The following ATG7 variants were observed in gnomAD, a reference collection of about 807,000 sequenced individuals.
ATG7 encodes the protein ubiquitin-like modifier-activating enzyme ATG7.
ATG7 carries 70 observed loss-of-function variants against 82.4 expected under a neutral mutation model. The ratio of observed to expected loss-of-function variants is 0.85; its 90% confidence interval spans 0.70 to 1.04. The LOEUF (loss-of-function observed/expected upper bound fraction) is 1.04. ATG7 is among the 50% of genes least tolerant of loss of function. The probability of loss-of-function intolerance (pLI) is 0.00; values close to 1 mark genes in which losing one functional copy is unlikely to be tolerated. For missense variants in ATG7, 792 were observed against 864.3 expected (o/e 0.92, Z 1.05); for synonymous variants, 287 against 313.0 (o/e 0.92, Z 0.88).
intron 10 of ATG7, chr3:11,332,723 T>C (rs1951830481): frequency 3.4e-6 from 1 of 295,388 alleles, no homozygotes; most frequent in South Asian, 1.6e-4. Context: ...TGCAATATGA[T>C]TGTAGAAAGA....
intron 20 of ATG7, among the ~76,000 whole-genome samples, chr3:11,472,244 T>A (rs2087627454): frequency 6.6e-6 from 1 of 152,180 alleles, no homozygotes; most frequent in Admixed American, 6.5e-5. Context: ...CTCCCCCTCT[T>A]GCCTGGGTTT....
At chr3:11,554,178 A>G (rs1451955787) in intron 20 of ATG7, among the ~76,000 whole-genome samples, 2 of 152,180 alleles carry the variant, frequency 1.3e-5, no homozygotes, top group African/African-American at 4.8e-5. Flanking sequence ...CCCCAGGTTC[A>G]CTGCGAGGCT....
chr3:11,351,864 T>TA lies in ATG7; in HGVS notation c.1284+3830dup, dbSNP rs1204331273. Among the ~76,000 whole-genome samples the TA allele has an allele frequency of 5.4e-5, 8 of 148,832 alleles. No homozygotes were observed. The East Asian group carries it at 5.8e-4, about 11-fold the overall frequency. ...TTAGTATAGTTTCTTTTTTTTTTTT[T>TA]ATTATACTTTAAGTTCTAGGGTACA... On this transcript the variant is annotated intron_variant, in intron 14 of 20. Transcript: ENST00000693202.
chr3:11,276,058 A>G (rs1941716596), intron 1 of ATG7, among the ~76,000 whole-genome samples: 1 of 152,192 alleles, frequency 6.6e-6, no homozygotes, highest in Non-Finnish European at 1.5e-5. Context: ...CTAGTGTGCC[A>G]CCAAATAGGC....
chr3:11,308,895 C>G (rs552043428), intron 6 of ATG7, 89 bp from the exon 7 acceptor site: 6 of 1,206,626 alleles, frequency 5.0e-6, no homozygotes, highest in African/African-American at 1.5e-5. Flanking sequence ...AAAGAAGAGC[C>G]TGGTGCTTTT....
In ATG7 at chr3:11,557,115, C is replaced by A. The variant is rs994346642; in HGVS notation, c.*2272C>A. On this transcript the variant is annotated 3_prime_UTR_variant, in exon 21 of 21. Transcript: ENST00000693202. ...AGCCTCTGGTGGGCCAGGTGGGACA[C>A]AGCACACCCCAGGGGGAGGGGATAG... 2 of 152,514 alleles carry A rather than the reference C, an allele frequency of 1.3e-5. No individual in the cohort carries two copies. Among genetic ancestry groups the A allele is most frequent in the African/African-American group, 4.8e-5 (2 of 41,450 alleles). 9.4% of individuals were successfully genotyped at this position (152,514 alleles called of 1,614,324 possible). A position where few individuals can be genotyped will look rare whatever the true frequency, so the allele number is the denominator to read the frequency against.
In ATG7 at chr3:11,347,992, C is replaced by T. The variant is rs1954823671; in HGVS notation, c.1241C>T (p.Ala414Val). 6.2e-7 allele frequency: 1 copy of T among 1,614,106 alleles called. No homozygotes were observed. The highest frequency in any genetic ancestry group is 8.5e-7 in the Non-Finnish European group (1 of 1,179,954). ...EDCLGGGKPK[A>V]LAAADRLQKI... ...TGCCTAGGGGGTGGTAAGCCCAAGG[C>T]TCTGGCAGCAGCGGACCGGCTCCAG... Residue 414 changes from alanine (A) to valine (V), a missense_variant, in exon 14 of 21, where the codon GCT (alanine) becomes GTT (valine). Ala to Val is a moderately conservative substitution (Grantham distance 64). Coordinates refer to ENST00000693202, the MANE Select transcript of ATG7 (RefSeq NM_001349232.2).
chr3:11,419,321 G>C (rs929690085), intron 19 of ATG7, among the ~76,000 whole-genome samples: 2 of 152,218 alleles, frequency 1.3e-5, no homozygotes, highest in African/African-American at 4.8e-5. Flanking sequence ...GGGAGGCCGA[G>C]GTGGGTGGAT....
intron 20 of ATG7, among the ~76,000 whole-genome samples, chr3:11,445,170 A>C (rs2084407908): frequency 1.3e-5 from 2 of 152,316 alleles, no homozygotes; most frequent in South Asian, 4.1e-4. Flanking sequence ...TATAAACAGA[A>C]ATACCATTTG....
At chr3:11,356,123 G>T (rs1267252800) in intron 14 of ATG7, among the ~76,000 whole-genome samples, 1 of 152,160 alleles carries the variant, frequency 6.6e-6, no homozygotes, top group African/African-American at 2.4e-5. Context: ...GGCTTATGAA[G>T]TCAGATCAGT....
Position 11,360,684 on chromosome 3 carries a change from C to G in ATG7, c.1583C>G (p.Pro528Arg). 1 of 1,614,182 alleles carries G rather than the reference C, an allele frequency of 6.2e-7. No individual in the cohort carries two copies. Among genetic ancestry groups the G allele is most frequent in the Non-Finnish European group, 8.5e-7 (1 of 1,180,020 alleles). The change falls in exon 16 of 21, where the codon CCT becomes CGT. Residue 528 changes from proline (P) to arginine (R), a missense_variant. Coordinates refer to ENST00000693202, the MANE Select transcript of ATG7 (RefSeq NM_001349232.2). ...QGAGDLCPNH[P>R]VASADLLGSS... ...GCTGGGGACTTGTGTCCAAACCACC[C>G]TGTGGCATCTGCTGACCTCCTGGGC... is the stretch of plus-strand genomic sequence containing the variant.
intron 20 of ATG7, among the ~76,000 whole-genome samples, chr3:11,490,155 G>T (rs1410246944): frequency 2.0e-5 from 3 of 152,096 alleles, no homozygotes; most frequent in African/African-American, 7.2e-5. Context: ...ATGAATCTAG[G>T]TGCTCCTGTA....
intron 17 of ATG7, among the ~76,000 whole-genome samples, chr3:11,364,123 T>C (rs1049504371): frequency 1.3e-5 from 2 of 152,236 alleles, no homozygotes; most frequent in Admixed American, 6.5e-5. Flanking sequence ...CAAGTATCAC[T>C]CCATTGTTCA....
At chr3:11,313,523 G>C in intron 8 of ATG7, 103 bp downstream of exon 8, 1 of 763,344 alleles carries the variant, frequency 1.3e-6, no homozygotes, top group Admixed American at 2.9e-5. Context: ...GGATGAAGAC[G>C]TGGTAACTGA....
chr3:11,305,426 C>T (rs979900591), intron 5 of ATG7, among the ~76,000 whole-genome samples: 2 of 152,212 alleles, frequency 1.3e-5, no homozygotes, highest in African/African-American at 4.8e-5. Flanking sequence ...GTACCTTCCT[C>T]TTCTGTGCTT....
chr3:11,559,593 G>A, downstream of ATG7: 1 of 1,301,060 alleles, frequency 7.7e-7, no homozygotes, highest in Non-Finnish European at 1.0e-6. Context: ...TTCAATACTG[G>A]AGTCCTGTTG....
At chr3:11,559,484 G>A (rs2072767890), downstream of ATG7, 2 of 1,532,378 alleles carry the variant, frequency 1.3e-6, no homozygotes, top group African/African-American at 1.4e-5. Flanking sequence ...TCAGTATGTG[G>A]AGACCAGCTT....
intron 20 of ATG7, among the ~76,000 whole-genome samples, chr3:11,491,372 T>C (rs988829762): frequency 2.0e-5 from 3 of 152,170 alleles, no homozygotes; most frequent in Non-Finnish European, 1.5e-5. Context: ...TATACATTCG[T>C]CTAAATTTTT....
At chr3:11,430,878 A>C (rs1194849546) in intron 20 of ATG7, among the ~76,000 whole-genome samples, 1 of 152,236 alleles carries the variant, frequency 6.6e-6, no homozygotes, top group East Asian at 1.9e-4. Flanking sequence ...TTAAAGGATG[A>C]GTAGACTATT....
Sources: gnomAD v4.1 joint callset for allele counts (sites outside exome capture counted in the v4.1 genomes callset) on GRCh38, gnomAD v4.1.1 for gene constraint, MANE v1.5 for transcripts, NCBI Gene and HGNC (gene_info 2026-07-23, HGNC 2026-07-21) for gene names.